Variants in MRTFB observed in about 807,000 individuals in gnomAD.
MRTFB encodes myocardin related transcription factor B, also known as myocardin-related transcription factor B.
In MRTFB, 29 loss-of-function variants were observed where a neutral mutation model predicts 104.2. The observed-to-expected ratio is 0.28, with a 90% CI of 0.21 to 0.38. The LOEUF (loss-of-function observed/expected upper bound fraction) is 0.38, where lower values mean the gene tolerates loss of function less well. Ranked by LOEUF, MRTFB falls within the 10% of genes least tolerant of loss-of-function variation. MRTFB has a pLI of 1.00. For synonymous variants in MRTFB, 535 were observed against 519.5 expected, an observed-to-expected ratio of 1.03 and a Z score of -0.41; for missense variants, 1,270 against 1,341.6, an observed-to-expected ratio of 0.95 and a Z score of 0.83.
At chr16:14,074,503 TG>T (rs759920556) in intron 1 of MRTFB, among the ~76,000 whole-genome samples, 1 of 152,196 alleles carries the variant, frequency 6.6e-6, no homozygotes, top group Non-Finnish European at 1.5e-5. Context: ...CACATATCTC[TG>T]ATTTGTAATT....
the MRTFB span, among the ~76,000 whole-genome samples, chr16:14,034,558 G>C: frequency 5.3e-5 from 8 of 150,324 alleles, no homozygotes; most frequent in African/African-American, 2.0e-4. Context: ...AGGTTGCAGT[G>C]AGTGGAGATC....
intron 3 of MRTFB, among the ~76,000 whole-genome samples, chr16:14,144,982 ATATATATATATATG>A (rs1249974694): frequency 3.2e-5 from 3 of 93,378 alleles, no homozygotes; most frequent in Non-Finnish European, 5.4e-5. Flanking sequence ...ATATACATAC[ATATATATATATATG>A]TATATATATA....
chr16:14,248,295 G>A (rs982285191), intron 12 of MRTFB: 1 of 152,294 alleles, frequency 6.6e-6, no homozygotes, highest in Non-Finnish European at 1.5e-5. Flanking sequence ...ACCTGAAACA[G>A]GCGAGAGGAA....
the MRTFB span, among the ~76,000 whole-genome samples, chr16:14,015,671 G>C: frequency 1.3e-5 from 2 of 152,148 alleles, no homozygotes; most frequent in Admixed American, 1.3e-4. Context: ...ACCAGGAATG[G>C]ATCGTTGCCC....
intron 2 of MRTFB, among the ~76,000 whole-genome samples, chr16:14,135,673 A>G (rs142995480): frequency 1.3e-5 from 2 of 152,342 alleles, no homozygotes; most frequent in South Asian, 2.1e-4. Flanking sequence ...GCATTTCAGC[A>G]TGAGACTTTA....
the MRTFB span, among the ~76,000 whole-genome samples, chr16:14,048,937 C>T: frequency 6.6e-6 from 1 of 152,188 alleles, no homozygotes; most frequent in Non-Finnish European, 1.5e-5. Flanking sequence ...GGCTCTACTC[C>T]AAGGTTCCCA....
At chr16:14,109,816 AT>A (rs1490586819) in intron 2 of MRTFB, among the ~76,000 whole-genome samples, 2 of 152,234 alleles carry the variant, frequency 1.3e-5, no homozygotes, top group African/African-American at 4.8e-5. Flanking sequence ...CCTGCTAAAA[AT>A]TATAGAGTAC....
At chr16:14,217,639 A>G (rs2041485983) in intron 7 of MRTFB, among the ~76,000 whole-genome samples, 1 of 152,248 alleles carries the variant, frequency 6.6e-6, no homozygotes, top group Admixed American at 6.5e-5. Context: ...AGTGCAAAAT[A>G]GGAGGTCCCC....
chr16:14,233,781 C>CAAAAAAAAAAAAA (rs1007606658), intron 8 of MRTFB, among the ~76,000 whole-genome samples: 1 of 49,994 alleles, frequency 2.0e-5, no homozygotes. Flanking sequence ...GACTCCCTCT[C>CAAAAAAAAAAAAA]AAAAAAAAAA....
chr16:14,226,322 T>G (rs1005574097), intron 8 of MRTFB, among the ~76,000 whole-genome samples: 82 of 152,170 alleles, frequency 5.4e-4, no homozygotes, highest in African/African-American at 1.5e-3. Context: ...ACACAGTAAT[T>G]AAAACAGTGG....
chr16:14,031,124 G>A, the MRTFB span, among the ~76,000 whole-genome samples: 1 of 152,224 alleles, frequency 6.6e-6, no homozygotes, highest in Non-Finnish European at 1.5e-5. Context: ...AGGTGCGATA[G>A]CTCATGCCTG....
chr16:14,173,067 G>A (rs2039474179), intron 3 of MRTFB, among the ~76,000 whole-genome samples: 1 of 152,010 alleles, frequency 6.6e-6, no homozygotes, highest in African/African-American at 2.4e-5. Flanking sequence ...GGTTTGATTT[G>A]TTTTCTTTTG....
At chr16:14,012,597 T>C in the MRTFB span, among the ~76,000 whole-genome samples, 3 of 152,104 alleles carry the variant, frequency 2.0e-5, no homozygotes, top group Non-Finnish European at 2.9e-5. Flanking sequence ...CGCGCCCGGC[T>C]GACCTTGACA....
At chr16:14,062,144 G>A in the MRTFB span, among the ~76,000 whole-genome samples, 2 of 152,120 alleles carry the variant, frequency 1.3e-5, no homozygotes, top group African/African-American at 2.4e-5. Context: ...CCAGGCTGGA[G>A]TGCAGTGGCA....
In MRTFB at chr16:14,246,686, A is replaced by G. The variant is rs200874813; in HGVS notation, c.1426A>G (p.Ser476Gly). The G allele has an allele frequency of 1.7e-5, 27 of 1,614,052 alleles. No homozygotes were observed. The highest frequency in any genetic ancestry group is 8.5e-7 in the Non-Finnish European group (1 of 1,180,046). The change falls in exon 12 of 17, where the codon AGC (serine) becomes GGC (glycine). Residue 476 changes from serine (S) to glycine (G), a missense_variant. Physicochemically the swap from Ser to Gly is moderately conservative, Grantham distance 56. This residue lies in a region of MRTFB where 1,144 missense variants were observed against 1,131.5 expected (regional missense o/e 1.01). Transcript: ENST00000571589. ...TACAACACTACACAACACTGTGACT[A>G]GCTCAGTCTCTACTCTCAAGGCAGA... ...PVTTLHNTVT[S>G]SVSTLKAELP...
intron 2 of MRTFB, among the ~76,000 whole-genome samples, chr16:14,116,701 T>C (rs1177379457): frequency 6.6e-6 from 1 of 152,102 alleles, no homozygotes; most frequent in Non-Finnish European, 1.5e-5. Context: ...GTAAGCACCA[T>C]TGTAAGGTGT....
intron 2 of MRTFB, among the ~76,000 whole-genome samples, chr16:14,087,024 A>G (rs2034747440): frequency 6.6e-6 from 1 of 152,206 alleles, no homozygotes. Flanking sequence ...TTTTGTCTTC[A>G]TATACAGAAT....
At chr16:14,113,498 G>A (rs1160913691) in intron 2 of MRTFB, among the ~76,000 whole-genome samples, 10 of 152,190 alleles carry the variant, frequency 6.6e-5, no homozygotes, top group Admixed American at 5.2e-4. Context: ...TGATTTATTC[G>A]CAGTAGGTGA....
chr16:14,134,781 A>G (rs949465567), intron 2 of MRTFB, among the ~76,000 whole-genome samples: 7 of 152,302 alleles, frequency 4.6e-5, no homozygotes, highest in Admixed American at 6.5e-5. Context: ...TGGCACATAC[A>G]TATACCATGT....
Sources: allele counts gnomAD v4.1 joint callset (sites outside exome capture counted in the v4.1 genomes callset), GRCh38; gene constraint gnomAD v4.1.1; regional missense constraint gnomAD v4.1.1; transcripts MANE v1.5; gene names NCBI Gene and HGNC (gene_info 2026-07-23, HGNC 2026-07-21).